The following UNC13C variants were observed in gnomAD, a reference collection of about 807,000 sequenced individuals.
UNC13C encodes the protein unc-13 homolog C, also known as protein unc-13 homolog C.
Under a neutral mutation model 245.4 loss-of-function variants are expected in UNC13C, and 174 were observed. The ratio of observed to expected loss-of-function variants is 0.71; its 90% confidence interval spans 0.63 to 0.80. The LOEUF (loss-of-function observed/expected upper bound fraction) is 0.80. Among genes scored for constraint, UNC13C ranks in the 30% least tolerant of loss-of-function variants. UNC13C has a pLI of 0.00. For missense variants in UNC13C, 2,829 were observed against 2,602.9 expected (o/e 1.09, Z -1.89); for synonymous variants, 992 against 895.1 (o/e 1.11, Z -1.93).
At chr15:53,917,535 A>AG in the UNC13C span, among the ~76,000 whole-genome samples, 10 of 152,312 alleles carry the variant, frequency 6.6e-5, no homozygotes, top group Non-Finnish European at 1.5e-4. Context: ...GTGGAGATCC[A>AG]GGGAAATGAG....
intron 4 of UNC13C, among the ~76,000 whole-genome samples, chr15:54,214,993 C>T (rs965625875): frequency 4.0e-5 from 6 of 151,612 alleles, no homozygotes; most frequent in African/African-American, 1.5e-4. Context: ...AGTTTTGGGG[C>T]TGCATTTTTT....
intron 11 of UNC13C, among the ~76,000 whole-genome samples, chr15:54,296,447 T>C (rs977509820): frequency 4.0e-5 from 6 of 150,742 alleles, no homozygotes; most frequent in Admixed American, 4.0e-4. Context: ...CTCGATCTCC[T>C]GACCTCGTGA....
chr15:54,343,138 CTT>C (rs746795837), intron 17 of UNC13C, among the ~76,000 whole-genome samples: 12 of 144,898 alleles, frequency 8.3e-5, no homozygotes, highest in Admixed American at 6.9e-5. Context: ...CCATGCATAA[CTT>C]TTTTTTTTTT....
chr15:54,107,625 A>G (rs889733262), intron 2 of UNC13C, among the ~76,000 whole-genome samples: 1 of 152,204 alleles, frequency 6.6e-6, no homozygotes, highest in African/African-American at 2.4e-5. Flanking sequence ...AATGGACTTC[A>G]ATTGATGCTG....
At chr15:54,028,781 C>T (rs1034361980) in intron 2 of UNC13C, among the ~76,000 whole-genome samples, 1 of 149,764 alleles carries the variant, frequency 6.7e-6, no homozygotes, top group Admixed American at 6.7e-5. Flanking sequence ...AGCTCCACCT[C>T]CCGGGTTCAC....
intron 8 of UNC13C, 96 bp from the exon 9 acceptor site, chr15:54,264,072 C>A: frequency 8.2e-7 from 1 of 1,219,318 alleles, no homozygotes; most frequent in Non-Finnish European, 1.2e-6. Context: ...TGAAAGCACT[C>A]ATTCATTCTC....
chr15:54,464,690 A>G (rs2141032172), intron 19 of UNC13C, among the ~76,000 whole-genome samples: 1 of 152,254 alleles, frequency 6.6e-6, no homozygotes, highest in East Asian at 1.9e-4. Flanking sequence ...GATAGCAGTC[A>G]CATACATAGA....
rs148467669 is a variant in UNC13C, at chr15:54,595,070, G to T, written c.6106+27123G>T. On this transcript the variant is annotated intron_variant, in intron 30 of 32. Transcript: ENST00000260323. ...TCATTCGATAAGATGTATAGCAGTGGTGGTTTCTGTGAATTTCCTTGAGCA... is the reference window on the plus strand; with the variant it reads ...TCATTCGATAAGATGTATAGCAGTGTTGGTTTCTGTGAATTTCCTTGAGCA... 8.1e-3 allele frequency among the ~76,000 whole-genome samples: 1,231 copies of T among 152,330 alleles called. 15 individuals are homozygous for T. Among genetic ancestry groups the T allele is most frequent in the African/African-American group, 0.029 (1,190 of 41,574 alleles).
the UNC13C span, among the ~76,000 whole-genome samples, chr15:53,887,986 C>G: frequency 6.6e-6 from 1 of 152,146 alleles, no homozygotes; most frequent in Admixed American, 6.5e-5. Context: ...CAAGTGTTTG[C>G]TATTGTGAAG....
chr15:54,332,852 A>G (rs2038476105), intron 15 of UNC13C, among the ~76,000 whole-genome samples: 2 of 152,040 alleles, frequency 1.3e-5, no homozygotes, highest in Non-Finnish European at 2.9e-5. Context: ...TTCATTTTTA[A>G]TTAGTCTTTT....
chr15:53,885,717 A>G, the UNC13C span, among the ~76,000 whole-genome samples: 2 of 152,210 alleles, frequency 1.3e-5, no homozygotes, highest in African/African-American at 4.8e-5. Flanking sequence ...AAGAAAAGTG[A>G]TCACACCTTT....
chr15:54,142,174 T>C (rs1407144574), intron 2 of UNC13C, among the ~76,000 whole-genome samples: 1 of 152,194 alleles, frequency 6.6e-6, no homozygotes, highest in Non-Finnish European at 1.5e-5. Flanking sequence ...AATTTAAACC[T>C]GTGTTTAAAA....
the UNC13C span, among the ~76,000 whole-genome samples, chr15:53,945,599 CTTTGTGTCTGTT>C: frequency 2.0e-5 from 3 of 152,050 alleles, no homozygotes; most frequent in Non-Finnish European, 4.4e-5. Context: ...TTCAGTTGGT[CTTTGTGTCTGTT>C]TTTGTACCAA....
chr15:54,248,292 T>C (rs1356352346), intron 7 of UNC13C, among the ~76,000 whole-genome samples: 1 of 152,178 alleles, frequency 6.6e-6, no homozygotes, highest in African/African-American at 2.4e-5. Flanking sequence ...TCCTAATTTT[T>C]CTTCTAGACC....
At chr15:54,224,366 T>G (rs967266974) in intron 4 of UNC13C, among the ~76,000 whole-genome samples, 3 of 152,140 alleles carry the variant, frequency 2.0e-5, no homozygotes, top group African/African-American at 7.2e-5. Flanking sequence ...ATCAAATGCT[T>G]TTTCGATATC....
intron 29 of UNC13C, among the ~76,000 whole-genome samples, chr15:54,557,376 C>A (rs536707229): frequency 5.5e-4 from 84 of 152,046 alleles, no homozygotes; most frequent in East Asian, 1.4e-3. Flanking sequence ...CCAAGGTATT[C>A]ACCTGATATC....
rs568516074 is a variant in UNC13C, at chr15:54,049,380, A to G, written c.2983+33494A>G. The G allele has an allele frequency of 4.9e-4, 256 of 517,510 alleles. 1 individual carries two copies. The highest frequency in any genetic ancestry group is 4.5e-3 in the African/African-American group (229 of 51,390). 32.1% of individuals were successfully genotyped at this position (517,510 alleles called of 1,614,324 possible). ...AATGTCTTTCTGCCTGCAGGATAAA[A>G]CTAACAGTTCCTTCTTTGAGATCAA... is the stretch of plus-strand genomic sequence containing the variant. On this transcript the variant is annotated intron_variant, in intron 2 of 32. Transcript: ENST00000260323.
At chr15:53,910,423 A>G in the UNC13C span, among the ~76,000 whole-genome samples, 9 of 146,330 alleles carry the variant, frequency 6.2e-5, no homozygotes, top group African/African-American at 2.2e-4. Context: ...TTGTAAGTTC[A>G]TATTTGGCTT....
At chr15:53,982,111 G>C (rs1893950687) in intron 1 of UNC13C, among the ~76,000 whole-genome samples, 1 of 152,076 alleles carries the variant, frequency 6.6e-6, no homozygotes, top group African/African-American at 2.4e-5. Flanking sequence ...AATCATAAAA[G>C]ATGGGCTTCC....
Sources: gnomAD v4.1 joint callset for allele counts (sites outside exome capture counted in the v4.1 genomes callset) on GRCh38, gnomAD v4.1.1 for gene constraint, MANE v1.5 for transcripts, NCBI Gene and HGNC (gene_info 2026-07-23, HGNC 2026-07-21) for gene names.